Variants in SLC24A3 observed in about 807,000 individuals in gnomAD.
SLC24A3 encodes sodium/potassium/calcium exchanger 3.
In SLC24A3, 28 loss-of-function variants were observed where a neutral mutation model predicts 75.8. That is an observed-to-expected ratio of 0.37 (90% CI 0.27 to 0.51). SLC24A3 has a LOEUF of 0.51. Ranked by LOEUF, SLC24A3 falls within the 20% of genes least tolerant of loss-of-function variation. The pLI is 0.94. For synonymous variants in SLC24A3, 372 were observed against 334.1 expected (o/e 1.11, Z -1.24); for missense variants, 663 against 847.8 (o/e 0.78, Z 2.71).
At chr20:19,469,801 C>T (rs532429646) in intron 2 of SLC24A3, among the ~76,000 whole-genome samples, 132 of 152,250 alleles carry the variant, frequency 8.7e-4, no homozygotes, top group Admixed American at 4.2e-3. Flanking sequence ...GAAAAACTAG[C>T]AAGCACACCA....
At chr20:19,263,926 G>A (rs756992533) in intron 1 of SLC24A3, among the ~76,000 whole-genome samples, 3 of 152,108 alleles carry the variant, frequency 2.0e-5, no homozygotes, top group Non-Finnish European at 2.9e-5. Flanking sequence ...GGTGAAAGGA[G>A]AAGAGAGAAA....
intron 2 of SLC24A3, among the ~76,000 whole-genome samples, chr20:19,309,050 C>T (rs1984396511): frequency 6.6e-6 from 1 of 152,060 alleles, no homozygotes; most frequent in African/African-American, 2.4e-5. Context: ...GTTATTTTAC[C>T]GTCTTGTAAT....
In SLC24A3 at chr20:19,496,054, T is replaced by C. The variant is rs962553675; in HGVS notation, c.272-19434T>C. Among the ~76,000 whole-genome samples, 5 of 152,202 alleles carry C rather than the reference T, an allele frequency of 3.3e-5. No individual in the cohort carries two copies. The East Asian group carries it at 7.7e-4, about 23-fold the overall frequency. ...GAAAACACTGAGAAGACACTCTCCC[T>C]GCCGCCTCTCAGTGCAGACGAGTCA... On this transcript the variant is annotated intron_variant, in intron 2 of 16. Transcript: ENST00000328041.
chr20:19,522,537 A>G (rs1172017271), intron 3 of SLC24A3, among the ~76,000 whole-genome samples: 1 of 152,236 alleles, frequency 6.6e-6, no homozygotes, highest in Non-Finnish European at 1.5e-5. Context: ...GTGGGAACGC[A>G]TGGTAGGTGC....
chr20:19,449,074 C>T (rs1288722965), intron 2 of SLC24A3, among the ~76,000 whole-genome samples: 1 of 152,132 alleles, frequency 6.6e-6, no homozygotes, highest in Non-Finnish European at 1.5e-5. Context: ...AGTGAGTGGG[C>T]AGGGAGAGGG....
chr20:19,396,621 T>G lies in SLC24A3; in HGVS notation c.271+115534T>G, dbSNP rs75847634. ...CCCAATAAATAATAGCCACACATTG[T>G]TCACAGCCTTTGGTTGGAATGAAAC... On this transcript the variant is annotated intron_variant, in intron 2 of 16. Transcript: ENST00000328041. Among the ~76,000 whole-genome samples the G allele has an allele frequency of 8.4e-3, 1,278 of 152,330 alleles. 18 individuals are homozygous for G. Among genetic ancestry groups the G allele is most frequent in the African/African-American group, 0.03 (1,227 of 41,582 alleles).
intron 2 of SLC24A3, among the ~76,000 whole-genome samples, chr20:19,500,167 C>G (rs561209398): frequency 1.3e-5 from 2 of 152,274 alleles, no homozygotes; most frequent in South Asian, 4.2e-4. Context: ...TCTCAAGGAA[C>G]CTGTATCCTT....
intron 15 of SLC24A3, among the ~76,000 whole-genome samples, chr20:19,705,384 C>T (rs549374784): frequency 6.6e-6 from 1 of 152,286 alleles, no homozygotes; most frequent in Admixed American, 6.5e-5. Context: ...TCCTCATGCT[C>T]AGCCACACTG....
At chr20:19,375,852 T>C (rs1360851399) in intron 2 of SLC24A3, among the ~76,000 whole-genome samples, 1 of 152,216 alleles carries the variant, frequency 6.6e-6, no homozygotes, top group Non-Finnish European at 1.5e-5. Context: ...CAAAATTTCC[T>C]GAGAAATTTC....
chr20:19,630,220 AG>A (rs1241999032), intron 6 of SLC24A3, among the ~76,000 whole-genome samples: 1 of 152,320 alleles, frequency 6.6e-6, no homozygotes, highest in Admixed American at 6.5e-5. Context: ...AGATTGTCAA[AG>A]TTTAAAACAT....
rs566891139 is a variant in SLC24A3 at position 19,318,733 on chromosome 20, C to G, written c.271+37646C>G. 2.4e-4 allele frequency among the ~76,000 whole-genome samples: 37 copies of G among 152,102 alleles called. 1 individual carries two copies. The South Asian group carries it at 7.7e-3, about 32-fold the overall frequency. On this transcript the variant is annotated intron_variant, in intron 2 of 16. Coordinates refer to ENST00000328041, the MANE Select transcript of SLC24A3 (RefSeq NM_020689.4). Reference sequence around the variant, plus strand: ...ACTTAGTTTTAGTGGGAAAAGACAGCACAAGGACACGTGGGATGCTCTTCA... The same window carrying G: ...ACTTAGTTTTAGTGGGAAAAGACAGGACAAGGACACGTGGGATGCTCTTCA...
intron 2 of SLC24A3, among the ~76,000 whole-genome samples, chr20:19,454,299 T>C (rs2122486702): frequency 6.6e-6 from 1 of 152,298 alleles, no homozygotes; most frequent in African/African-American, 2.4e-5. Context: ...CCATAATAGA[T>C]TTAAGGTTCA....
At chr20:19,696,602 C>G in intron 13 of SLC24A3, 195 bp from the exon 14 acceptor site, 1 of 482,314 alleles carries the variant, frequency 2.1e-6, no homozygotes, top group Non-Finnish European at 3.7e-6. Context: ...CCTATTACAG[C>G]ACCGTCCCCT....
intron 2 of SLC24A3, among the ~76,000 whole-genome samples, chr20:19,379,149 T>C (rs898130541): frequency 6.6e-6 from 1 of 152,076 alleles, no homozygotes; most frequent in East Asian, 1.9e-4. Flanking sequence ...CTCTACGGAA[T>C]GTGATTATTG....
At chr20:19,669,358 C>A (rs1430140950) in intron 8 of SLC24A3, among the ~76,000 whole-genome samples, 1 of 152,008 alleles carries the variant, frequency 6.6e-6, no homozygotes, top group African/African-American at 2.4e-5. Flanking sequence ...AAAAATTAGC[C>A]AGGCATGGTG....
chr20:19,617,470 C>A (rs1476520779), intron 6 of SLC24A3, among the ~76,000 whole-genome samples: 2 of 152,144 alleles, frequency 1.3e-5, no homozygotes, highest in African/African-American at 4.8e-5. Flanking sequence ...GGACTCAAAG[C>A]GGCAGGGCTT....
At chr20:19,354,622 GTA>G (rs149065288) in intron 2 of SLC24A3, among the ~76,000 whole-genome samples, 8,417 of 126,796 alleles carry the variant, frequency 0.066, 528 homozygotes, top group East Asian at 0.21. Context: ...GTGTGTGTGT[GTA>G]TGTGTGTATG....
intron 2 of SLC24A3, among the ~76,000 whole-genome samples, chr20:19,369,866 CTA>C (rs1985961908): frequency 6.6e-6 from 1 of 152,062 alleles, no homozygotes; most frequent in South Asian, 2.1e-4. Context: ...GAGAGTTTCA[CTA>C]TGTTACAAAA....
At chr20:19,295,817 T>TG (rs574876948) in intron 2 of SLC24A3, among the ~76,000 whole-genome samples, 3,192 of 152,190 alleles carry the variant, frequency 0.021, 45 homozygotes, top group African/African-American at 0.034. Context: ...AGTTTTTTTT[T>TG]TTGTTGTTGT....
Sources: allele counts gnomAD v4.1 joint callset (sites outside exome capture counted in the v4.1 genomes callset), GRCh38; gene constraint gnomAD v4.1.1; transcripts MANE v1.5; gene names NCBI Gene and HGNC (gene_info 2026-07-23, HGNC 2026-07-21).